Variants in KIF4A observed in about 807,000 individuals in gnomAD.
KIF4A encodes the protein kinesin family member 4A, also known as chromosome-associated kinesin KIF4A.
Under a neutral mutation model 105.9 loss-of-function variants are expected in KIF4A, and 7 were observed. That is an observed-to-expected ratio of 0.07 (90% CI 0.04 to 0.12). The LOEUF (loss-of-function observed/expected upper bound fraction) is 0.12, where lower values mean the gene tolerates loss of function less well. KIF4A is among the 10% of genes least tolerant of loss of function. The pLI, the probability that KIF4A is intolerant of heterozygous loss-of-function variation, is 1.00. For missense variants in KIF4A, 558 were observed against 929.2 expected (o/e 0.60, Z 5.19); for synonymous variants, 281 against 331.3 (o/e 0.85, Z 1.65).
At chrX:70,405,351 A>G (rs1354898750) in intron 25 of KIF4A, among the ~76,000 whole-genome samples, 1 of 111,353 alleles carries the variant, frequency 9.0e-6, no homozygotes, top group Admixed American at 9.6e-5. Flanking sequence ...TCTAAGACAT[A>G]AGCAAACTAG....
At position 70,407,087 on chromosome X, in the gene KIF4A, C is replaced by T; in HGVS notation, c.3255+12C>T. ...AGAACATCCAAGGGGTAGGAGCCAGCTCTTCAACTTTTTTTTTGTTTTGTT... is the reference window on the plus strand; with the variant it reads ...AGAACATCCAAGGGGTAGGAGCCAGTTCTTCAACTTTTTTTTTGTTTTGTT... On this transcript the variant is annotated intron_variant, in intron 28 of 30. Transcript: ENST00000374403. The T allele has an allele frequency of 1.7e-6, 2 of 1,168,337 alleles. No individual in the cohort carries two copies. The highest frequency in any genetic ancestry group is 1.9e-5 in the South Asian group (1 of 51,378).
At chrX:70,383,693 T>G (rs1428122692) in intron 18 of KIF4A, among the ~76,000 whole-genome samples, 1 of 112,344 alleles carries the variant, frequency 8.9e-6, no homozygotes, top group Non-Finnish European at 1.9e-5. Context: ...CAGTGGAGTA[T>G]TATTCAGCCA....
rs1056652302 is a variant in KIF4A at position 70,405,681 on chromosome X, A to T, written c.2899-147A>T. ...GGCACCTAGGAACTGGGAATCAGACATTTTTCTGGGTGCCAGTGCCTGCTG... is the reference window on the plus strand; with the variant it reads ...GGCACCTAGGAACTGGGAATCAGACTTTTTTCTGGGTGCCAGTGCCTGCTG... On this transcript the variant is annotated intron_variant, in intron 25 of 30. Transcript: ENST00000374403. The T allele has an allele frequency of 1.9e-5, 9 of 473,721 alleles. No homozygotes were observed. The African/African-American group carries it at 2.2e-4, about 11-fold the overall frequency. 39.0% of individuals were successfully genotyped at this position (473,721 alleles called of 1,213,427 possible). A position where few individuals can be genotyped will look rare whatever the true frequency, so the allele number is the denominator to read the frequency against.
At chrX:70,401,708 T>G (rs2147737574) in intron 22 of KIF4A, among the ~76,000 whole-genome samples, 1 of 112,081 alleles carries the variant, frequency 8.9e-6, no homozygotes, top group Admixed American at 9.5e-5. Context: ...GCTAAAATTT[T>G]TTTCAGTTGT....
At chrX:70,401,693 G>A (rs924283423) in intron 22 of KIF4A, among the ~76,000 whole-genome samples, 7 of 111,866 alleles carry the variant, frequency 6.3e-5, no homozygotes, top group South Asian at 7.4e-4. Context: ...GAGCCACTGC[G>A]CCCAGCTAAA....
chrX:70,317,222 C>T (rs2085872703), intron 7 of KIF4A, among the ~76,000 whole-genome samples: 1 of 111,090 alleles, frequency 9.0e-6, no homozygotes, highest in Non-Finnish European at 1.9e-5. Context: ...TCCTTTAATC[C>T]TGAATCCTCC....
chrX:70,419,292 C>T (rs1038663958), intron 29 of KIF4A, among the ~76,000 whole-genome samples: 2 of 111,912 alleles, frequency 1.8e-5, no homozygotes, highest in Admixed American at 9.5e-5. Context: ...GTCTCTCTCT[C>T]GGACTCAGTT....
chrX:70,370,464 A>G (rs1199405), intron 15 of KIF4A, among the ~76,000 whole-genome samples: 13,501 of 107,353 alleles, frequency 0.13, 1,408 homozygotes, highest in African/African-American at 0.34. Flanking sequence ...GTATAGATAA[A>G]TATAGAATAT....
At chrX:70,387,132 A>ATT in intron 19 of KIF4A, 52 bp from the exon 20 acceptor site, 23 of 690,713 alleles carry the variant, frequency 3.3e-5, no homozygotes, top group Non-Finnish European at 4.4e-5. Context: ...TAGAAATTGG[A>ATT]TTTTTTTTTT....
At chrX:70,341,353 A>G (rs979907015) in intron 10 of KIF4A, among the ~76,000 whole-genome samples, 1 of 111,778 alleles carries the variant, frequency 8.9e-6, no homozygotes, top group African/African-American at 3.2e-5. Flanking sequence ...GACCCTGAGC[A>G]GTGTCACTTC....
chrX:70,371,852 C>T (rs1457985678), intron 15 of KIF4A, among the ~76,000 whole-genome samples: 11 of 99,199 alleles, frequency 1.1e-4, no homozygotes, highest in African/African-American at 3.4e-4. Context: ...TCAGATGGGG[C>T]GGCTGCCGGG....
intron 9 of KIF4A, among the ~76,000 whole-genome samples, chrX:70,332,001 T>C (rs1044857730): frequency 1.8e-5 from 2 of 112,082 alleles, no homozygotes; most frequent in African/African-American, 6.5e-5. Context: ...ATTTCTGGCA[T>C]GTGGAACTGG....
rs542829477 is a variant in KIF4A, at chrX:70,349,600, C to T, written c.1432-3000C>T. Among the ~76,000 whole-genome samples, 75 of 90,998 alleles carry T rather than the reference C, an allele frequency of 8.2e-4. 3 individuals carry two copies. In the South Asian group the frequency reaches 0.048, roughly 59 times the overall value. 79.0% of individuals were successfully genotyped at this position (90,998 alleles called of 115,157 possible). A position where few individuals can be genotyped will look rare whatever the true frequency, so the allele number is the denominator to read the frequency against. ...GGCGGCCGGGCAGAGATGCTCCTCA[C>T]ATCCCAGACGGGGTGGTGGCCGGGC... is the stretch of plus-strand genomic sequence containing the variant. On this transcript the variant is annotated intron_variant, in intron 13 of 30. Coordinates refer to ENST00000374403, the MANE Select transcript of KIF4A (RefSeq NM_012310.5).
chrX:70,325,244 G>A (rs2085906512), intron 7 of KIF4A, among the ~76,000 whole-genome samples: 1 of 111,544 alleles, frequency 9.0e-6, no homozygotes, highest in South Asian at 3.8e-4. Flanking sequence ...CAATATTAAA[G>A]CCATAAGAAT....
At chrX:70,410,190 A>T (rs1468763273) in intron 28 of KIF4A, among the ~76,000 whole-genome samples, 1 of 111,912 alleles carries the variant, frequency 8.9e-6, no homozygotes, top group African/African-American at 3.3e-5. Flanking sequence ...CTGCTTGCAG[A>T]CATATTACCT....
intron 15 of KIF4A, among the ~76,000 whole-genome samples, chrX:70,371,618 C>A (rs1315184108): frequency 1.3e-4 from 14 of 105,668 alleles, no homozygotes; most frequent in East Asian, 9.4e-4. Flanking sequence ...ACCCCCCCAC[C>A]TCCCTCCCGG....
At position 70,395,732 on chromosome X, in the gene KIF4A, A is replaced by G. The variant is rs1037584512; in HGVS notation, c.2294A>G (p.Asn765Ser). 1.6e-5 allele frequency: 19 copies of G among 1,209,647 alleles called. No individual in the cohort carries two copies. In the Admixed American group the frequency reaches 2.6e-4, roughly 17 times the overall value. Residue 765 changes from asparagine (N) to serine (S), a missense_variant, in exon 21 of 31, where the codon AAT becomes AGT. Around this residue, in one of 2 missense-constraint regions of KIF4A, gnomAD observed 469 missense variants for 680.4 expected, o/e 0.69. Coordinates refer to ENST00000374403, the MANE Select transcript of KIF4A (RefSeq NM_012310.5). Reference sequence around the variant, plus strand: ...ACTGAGGAAGCCAAACGCCATCTGAATGACCTCCTTGAAGATAGAAAGATC... The same window carrying G: ...ACTGAGGAAGCCAAACGCCATCTGAGTGACCTCCTTGAAGATAGAAAGATC... Reference protein sequence around the residue: ...VSTEEAKRHLNDLLEDRKILA... With the variant: ...VSTEEAKRHLSDLLEDRKILA...
At chrX:70,315,586 C>G (rs1199459) in intron 7 of KIF4A, among the ~76,000 whole-genome samples, 13,911 of 111,064 alleles carry the variant, frequency 0.13, 1,424 homozygotes, top group African/African-American at 0.34. Context: ...CCTTGGTCTG[C>G]TCTCTGGGAC....
At chrX:70,327,327 A>T (rs1269891296) in intron 7 of KIF4A, among the ~76,000 whole-genome samples, 1 of 110,717 alleles carries the variant, frequency 9.0e-6, no homozygotes, top group African/African-American at 3.3e-5. Flanking sequence ...GAAAAGAAGG[A>T]AATAGTGAAG....
Sources: gnomAD v4.1 joint callset for allele counts (sites outside exome capture counted in the v4.1 genomes callset) on GRCh38, gnomAD v4.1.1 for gene constraint, gnomAD v4.1.1 regional missense constraint, MANE v1.5 for transcripts, NCBI Gene and HGNC (gene_info 2026-07-23, HGNC 2026-07-21) for gene names.